The following UBQLN1 variants were observed in gnomAD, a reference collection of about 807,000 sequenced individuals.
UBQLN1 encodes ubiquilin-1.
A neutral mutation model predicts 65.4 loss-of-function variants in UBQLN1; 13 were observed. The ratio of observed to expected loss-of-function variants is 0.20; its 90% CI spans 0.13 to 0.32. The LOEUF (loss-of-function observed/expected upper bound fraction) is 0.32, where lower values mean the gene tolerates loss of function less well. Among genes scored for constraint, UBQLN1 ranks in the 10% least tolerant of loss-of-function variants. The pLI, the probability that UBQLN1 is intolerant of heterozygous loss-of-function variation, is 1.00. For synonymous variants in UBQLN1, 267 were observed against 247.8 expected (o/e 1.08, Z -0.73); for missense variants, 561 against 724.0 (o/e 0.77, Z 2.58).
At chr9:83,703,919 A>T (rs1832353700) in intron 1 of UBQLN1, among the ~76,000 whole-genome samples, 1 of 152,222 alleles carries the variant, frequency 6.6e-6, no homozygotes, top group African/African-American at 2.4e-5. Context: ...TTTACCCAAG[A>T]AGTTTAACGT....
At chr9:83,670,006 G>A (rs994452599) in intron 6 of UBQLN1, among the ~76,000 whole-genome samples, 1 of 152,154 alleles carries the variant, frequency 6.6e-6, no homozygotes, top group Non-Finnish European at 1.5e-5. Context: ...TAGGGTGGTT[G>A]TAAGAAAATT....
At position 83,707,527 on chromosome 9, in the gene UBQLN1, G is replaced by A. The variant is rs529865892; in HGVS notation, c.153C>T (p.Ala51=). The A allele has an allele frequency of 2.9e-5, 47 of 1,611,292 alleles. No homozygotes were observed. Among genetic ancestry groups the A allele is most frequent in the Non-Finnish European group, 3.6e-5 (42 of 1,178,796 alleles). The change falls in exon 1 of 11, where the codon GCC becomes GCT. Residue 51 remains alanine (A), a synonymous_variant. Coordinates refer to ENST00000376395, the MANE Select transcript of UBQLN1 (RefSeq NM_013438.5). ...GCTGGACGGAGCTATTCTCGGGCAC[G>A]GCGAATTCCTCCTTTTCCTTCGGGG... is the stretch of plus-strand genomic sequence containing the variant. ...VKTPKEKEEF[A]VPENSSVQQF... is the part of the protein sequence containing the mutation.
intron 7 of UBQLN1, 160 bp from the exon 8 acceptor site, chr9:83,666,593 A>G (rs1831647708): frequency 1.7e-6 from 1 of 586,236 alleles, no homozygotes; most frequent in South Asian, 2.8e-5. Flanking sequence ...TGTCCACAAG[A>G]GGGATCTCCA....
chr9:83,677,658 G>A, intron 6 of UBQLN1, 69 bp downstream of exon 6: 2 of 1,115,036 alleles, frequency 1.8e-6, no homozygotes, highest in South Asian at 3.0e-5. Flanking sequence ...AAGAATAAGA[G>A]TATAAACAAT....
chr9:83,701,038 C>T (rs999493826), intron 1 of UBQLN1, among the ~76,000 whole-genome samples: 5 of 151,960 alleles, frequency 3.3e-5, no homozygotes, highest in African/African-American at 4.8e-5. Flanking sequence ...AGCCACTACC[C>T]GATATTTTAA....
intron 1 of UBQLN1, among the ~76,000 whole-genome samples, chr9:83,697,410 G>A (rs1832235037): frequency 6.6e-6 from 1 of 150,948 alleles, no homozygotes; most frequent in African/African-American, 2.4e-5. Context: ...AAATTAGCTG[G>A]GTGTGGTGGT....
intron 1 of UBQLN1, among the ~76,000 whole-genome samples, chr9:83,697,944 C>T (rs1832247617): frequency 6.6e-6 from 1 of 152,056 alleles, no homozygotes; most frequent in Non-Finnish European, 1.5e-5. Context: ...CCATGTTGGT[C>T]AGGCTGGTCT....
At chr9:83,698,716 C>G (rs1832262248) in intron 1 of UBQLN1, among the ~76,000 whole-genome samples, 1 of 152,030 alleles carries the variant, frequency 6.6e-6, no homozygotes, top group South Asian at 2.1e-4. Flanking sequence ...GAGTTTGAGA[C>G]CAACCTGGGC....
intron 6 of UBQLN1, among the ~76,000 whole-genome samples, chr9:83,670,325 TTC>T (rs1164821428): frequency 6.6e-6 from 1 of 152,210 alleles, no homozygotes; most frequent in Non-Finnish European, 1.5e-5. Context: ...TTTATTATAA[TTC>T]TGTTTTTAAT....
At chr9:83,671,375 C>T (rs1831727306) in intron 6 of UBQLN1, among the ~76,000 whole-genome samples, 1 of 152,208 alleles carries the variant, frequency 6.6e-6, no homozygotes, top group African/African-American at 2.4e-5. Context: ...CATTAGAGGA[C>T]TCACTAAGGC....
intron 1 of UBQLN1, among the ~76,000 whole-genome samples, chr9:83,687,671 T>C (rs1832061693): frequency 6.6e-6 from 1 of 152,354 alleles, no homozygotes; most frequent in African/African-American, 2.4e-5. Context: ...TGATAAGCTA[T>C]ATATCATTGT....
Position 83,682,291 on chromosome 9 carries a change from T to A in UBQLN1, c.448+660A>T, listed in dbSNP as rs556278307. The stretch of plus-strand genomic sequence containing the variant: ...CAGAGCAAGACTCTGTCTCAAAAAA[T>A]ATATATATATATATTCCACAGAACC... On this transcript the variant is annotated intron_variant, in intron 3 of 10. Transcript: ENST00000376395. Among the ~76,000 whole-genome samples, 118 of 150,324 alleles carry A rather than the reference T, an allele frequency of 7.8e-4. 1 individual carries two copies. The highest frequency in any genetic ancestry group is 6.9e-3 in the Middle Eastern group (2 of 290).
At chr9:83,700,133 A>G (rs894113313) in intron 1 of UBQLN1, among the ~76,000 whole-genome samples, 8 of 152,244 alleles carry the variant, frequency 5.3e-5, no homozygotes, top group Non-Finnish European at 1.0e-4. Flanking sequence ...CATCTTTGAA[A>G]AGAAATGGAT....
intron 5 of UBQLN1, among the ~76,000 whole-genome samples, 183 bp downstream of exon 5, chr9:83,678,258 G>T (rs1285963192): frequency 1.3e-5 from 2 of 151,914 alleles, no homozygotes; most frequent in Non-Finnish European, 2.9e-5. Context: ...CCTGACCTCG[G>T]GATCCACCCG....
chr9:83,707,400 G>A, intron 1 of UBQLN1, 100 bp downstream of exon 1: 4 of 1,296,474 alleles, frequency 3.1e-6, no homozygotes, highest in Non-Finnish European at 3.1e-6. Flanking sequence ...GAATGGCCGA[G>A]GACGACCCCT....
chr9:83,695,907 T>G (rs1444379665), intron 1 of UBQLN1, among the ~76,000 whole-genome samples: 1 of 152,218 alleles, frequency 6.6e-6, no homozygotes, highest in East Asian at 1.9e-4. Context: ...TAATCTCAAT[T>G]TAATGGTATT....
chr9:83,681,949 G>A lies in UBQLN1; in HGVS notation c.448+1002C>T, dbSNP rs551828154. On this transcript the variant is annotated intron_variant, in intron 3 of 10. Coordinates refer to ENST00000376395, the MANE Select transcript of UBQLN1 (RefSeq NM_013438.5). ...TATATGGATGGGCACCTTACAAACC[G>A]GTAAAAAGCGTAGCATGCAGAAAAA... is the stretch of plus-strand genomic sequence containing the variant. Among the ~76,000 whole-genome samples, 37 of 152,276 alleles carry A rather than the reference G, an allele frequency of 2.4e-4. 1 individual carries two copies. The South Asian group carries it at 5.8e-3, about 24-fold the overall frequency.
intron 6 of UBQLN1, among the ~76,000 whole-genome samples, chr9:83,671,173 T>G (rs1267634539): frequency 6.6e-6 from 1 of 152,130 alleles, no homozygotes; most frequent in African/African-American, 2.4e-5. Flanking sequence ...TTCCACTACT[T>G]CTACAGTCCC....
chr9:83,669,432 T>C, intron 6 of UBQLN1, 105 bp from the exon 7 acceptor site: 2 of 1,056,328 alleles, frequency 1.9e-6, no homozygotes, highest in Non-Finnish European at 2.6e-6. Flanking sequence ...CAAGTACAAA[T>C]GATTATACAT....
Sources: allele counts gnomAD v4.1 joint callset (sites outside exome capture counted in the v4.1 genomes callset), GRCh38; gene constraint gnomAD v4.1.1; transcripts MANE v1.5; gene names NCBI Gene and HGNC (gene_info 2026-07-23, HGNC 2026-07-21).